The following FSTL5 variants were observed in gnomAD, a reference collection of about 807,000 sequenced individuals.
FSTL5 encodes follistatin-related protein 5.
A neutral mutation model predicts 89.1 loss-of-function variants in FSTL5; 62 were observed. The ratio of observed to expected loss-of-function variants is 0.70; its 90% CI spans 0.57 to 0.86. FSTL5 has a LOEUF of 0.86. Ranked by LOEUF, FSTL5 falls within the 40% of genes least tolerant of loss-of-function variation. FSTL5 has a pLI of 0.00. For missense variants in FSTL5, 1,057 were observed against 1,001.6 expected (o/e 1.06, Z -0.75); for synonymous variants, 383 against 346.2 (o/e 1.11, Z -1.18).
chr4:161,840,562 C>A lies in FSTL5; in HGVS notation c.410-64488G>T, dbSNP rs537256344. 2.0e-5 allele frequency among the ~76,000 whole-genome samples: 3 copies of A among 152,246 alleles called. No individual in the cohort carries two copies. In the South Asian group the frequency reaches 6.2e-4, roughly 32 times the overall value. ...CCCAAACCCTGTTGATATCTACAGA[C>A]GTGAACAGTAATAAAAGTGAGAACT... On this transcript the variant is annotated intron_variant, in intron 4 of 15. Transcript: ENST00000306100.
chr4:161,639,627 A>T (rs1735873273), intron 7 of FSTL5, among the ~76,000 whole-genome samples: 2 of 152,184 alleles, frequency 1.3e-5, no homozygotes, highest in Admixed American at 6.5e-5. Context: ...ACTGTTTTTA[A>T]ATTCTAGAGT....
chr4:161,779,746 A>C, intron 4 of FSTL5, among the ~76,000 whole-genome samples: 2 of 104,162 alleles, frequency 1.9e-5, no homozygotes, highest in Admixed American at 1.1e-4. Flanking sequence ...TTGTCCAAGG[A>C]TTATTTGTAA....
intron 1 of FSTL5, among the ~76,000 whole-genome samples, chr4:162,150,589 A>G (rs1299395562): frequency 1.3e-5 from 2 of 152,234 alleles, no homozygotes; most frequent in East Asian, 3.8e-4. Context: ...AGAAAAAAAC[A>G]TTAAAACATC....
chr4:161,942,207 A>G (rs968616713), intron 3 of FSTL5, among the ~76,000 whole-genome samples: 3 of 151,904 alleles, frequency 2.0e-5, no homozygotes, highest in African/African-American at 7.2e-5. Flanking sequence ...TAATCTAACT[A>G]TACACCTTAA....
At chr4:161,926,941 T>A (rs1294295895) in intron 3 of FSTL5, among the ~76,000 whole-genome samples, 1 of 151,840 alleles carries the variant, frequency 6.6e-6, no homozygotes, top group Non-Finnish European at 1.5e-5. Context: ...AATAGATTGG[T>A]AGATACAGAG....
chr4:161,873,305 GA>G (rs35481849), intron 4 of FSTL5, among the ~76,000 whole-genome samples: 37,329 of 151,754 alleles, frequency 0.25, 5,118 homozygotes, highest in Non-Finnish European at 0.3. Context: ...TCACAATGAT[GA>G]ATAACAGTAG....
intron 4 of FSTL5, among the ~76,000 whole-genome samples, chr4:161,904,308 A>G (rs1391751618): frequency 6.6e-6 from 1 of 152,116 alleles, no homozygotes; most frequent in Non-Finnish European, 1.5e-5. Context: ...ATCTTGAAAC[A>G]GCTAAGGACT....
chr4:161,756,045 G>A (rs916009025), intron 6 of FSTL5, among the ~76,000 whole-genome samples: 1 of 152,006 alleles, frequency 6.6e-6, no homozygotes, highest in African/African-American at 2.4e-5. Context: ...CTGTATCTCT[G>A]AGGGATCATT....
At chr4:162,056,089 C>T (rs1471241827) in intron 2 of FSTL5, among the ~76,000 whole-genome samples, 1 of 151,508 alleles carries the variant, frequency 6.6e-6, no homozygotes, top group Non-Finnish European at 1.5e-5. Context: ...TGATAGTTAC[C>T]AAATTTAAAA....
chr4:162,152,966 CT>C (rs1440661418), intron 1 of FSTL5, among the ~76,000 whole-genome samples: 5 of 151,754 alleles, frequency 3.3e-5, no homozygotes, highest in Non-Finnish European at 5.9e-5. Flanking sequence ...AAAGTAATTA[CT>C]TTTTTCATGA....
chr4:161,731,043 T>A (rs375907022), intron 6 of FSTL5, among the ~76,000 whole-genome samples: 18 of 152,324 alleles, frequency 1.2e-4, no homozygotes, highest in African/African-American at 4.3e-4. Context: ...ACACTTGTAG[T>A]TACCAGTCAC....
At chr4:161,588,535 A>G (rs1315100327) in intron 7 of FSTL5, among the ~76,000 whole-genome samples, 4 of 152,166 alleles carry the variant, frequency 2.6e-5, no homozygotes, top group Non-Finnish European at 4.4e-5. Flanking sequence ...AATCAAATCC[A>G]TGAAGCACCT....
intron 5 of FSTL5, among the ~76,000 whole-genome samples, chr4:161,763,017 A>G (rs1740861427): frequency 6.6e-6 from 1 of 152,196 alleles, no homozygotes; most frequent in East Asian, 1.9e-4. Context: ...GGAATGACTC[A>G]CTGTCTTGGT....
chr4:161,454,946 C>T, intron 15 of FSTL5, 58 bp downstream of exon 15: 1 of 1,501,254 alleles, frequency 6.7e-7, no homozygotes, highest in African/African-American at 1.4e-5. Context: ...TTTCACATGG[C>T]TTTCTATTAT....
intron 7 of FSTL5, among the ~76,000 whole-genome samples, chr4:161,611,320 T>G (rs978936646): frequency 6.7e-6 from 1 of 149,150 alleles, no homozygotes; most frequent in Admixed American, 6.7e-5. Flanking sequence ...GGACTGTTTT[T>G]GCCTGCAATT....
Position 161,721,226 on chromosome 4 carries a change from C to T in FSTL5, c.727+38185G>A, listed in dbSNP as rs1226933542. Among the ~76,000 whole-genome samples, 10 of 131,982 alleles carry T rather than the reference C, an allele frequency of 7.6e-5. No individual in the cohort carries two copies. The South Asian group carries it at 2.4e-3, about 31-fold the overall frequency. The allele number at this position is 131,982 out of a possible 152,430, so 86.6% of individuals were successfully genotyped here. ...CCGGGAAGCGGAGCTTGCAGTGAGC[C>T]GAGATTGCGCCACTGCAGTCCGCAG... On this transcript the variant is annotated intron_variant, in intron 6 of 15. Transcript: ENST00000306100.
At chr4:161,423,218 T>C (rs115772052) in intron 15 of FSTL5, among the ~76,000 whole-genome samples, 120 of 152,276 alleles carry the variant, frequency 7.9e-4, no homozygotes, top group African/African-American at 2.8e-3. Context: ...ACTTGACTAG[T>C]AAAAATAAAT....
intron 1 of FSTL5, among the ~76,000 whole-genome samples, chr4:162,125,268 T>C (rs1027486440): frequency 6.6e-6 from 1 of 152,174 alleles, no homozygotes; most frequent in Non-Finnish European, 1.5e-5. Flanking sequence ...ACTTATTTAA[T>C]GGTTTATGAT....
At chr4:162,050,530 TAAC>T (rs1210634232) in intron 2 of FSTL5, among the ~76,000 whole-genome samples, 1 of 150,110 alleles carries the variant, frequency 6.7e-6, no homozygotes, top group Non-Finnish European at 1.5e-5. Flanking sequence ...ATAAATTAAA[TAAC>T]AGTATTTAAT....
Sources: gnomAD v4.1 joint callset for allele counts (sites outside exome capture counted in the v4.1 genomes callset) on GRCh38, gnomAD v4.1.1 for gene constraint, MANE v1.5 for transcripts, NCBI Gene and HGNC (gene_info 2026-07-23, HGNC 2026-07-21) for gene names.